The following RSRC1 variants were observed in gnomAD, a reference collection of about 807,000 sequenced individuals.
The protein encoded by RSRC1 is arginine and serine rich coiled-coil 1.
A neutral mutation model predicts 49.1 loss-of-function variants in RSRC1; 39 were observed. The ratio of observed to expected loss-of-function variants is 0.79; its 90% CI spans 0.61 to 1.04. RSRC1 has a LOEUF of 1.04. Among genes scored for constraint, RSRC1 ranks in the 50% least tolerant of loss-of-function variants. RSRC1 has a pLI of 0.00. For synonymous variants in RSRC1, 143 were observed against 130.8 expected (o/e 1.09, Z -0.63); for missense variants, 388 against 402.4 (o/e 0.96, Z 0.31).
At chr3:158,222,621 T>C (rs1722290638) in intron 4 of RSRC1, among the ~76,000 whole-genome samples, 1 of 151,620 alleles carries the variant, frequency 6.6e-6, no homozygotes, top group African/African-American at 2.4e-5. Context: ...CCCCACCCCT[T>C]ATATTTCCAA....
At chr3:158,408,405 T>G (rs754872856) in intron 6 of RSRC1, among the ~76,000 whole-genome samples, 2 of 152,178 alleles carry the variant, frequency 1.3e-5, no homozygotes, top group Non-Finnish European at 2.9e-5. Context: ...TCTAGCCATA[T>G]AACAGAAATG....
chr3:158,326,880 G>T (rs557833726), intron 5 of RSRC1, among the ~76,000 whole-genome samples: 1 of 152,132 alleles, frequency 6.6e-6, no homozygotes, highest in South Asian at 2.1e-4. Flanking sequence ...TGGTTGGTAG[G>T]CTATTAATTA....
At chr3:158,139,948 T>C (rs1488711665) in intron 3 of RSRC1, among the ~76,000 whole-genome samples, 1 of 152,204 alleles carries the variant, frequency 6.6e-6, no homozygotes, top group East Asian at 1.9e-4. Context: ...ATCCAATTAG[T>C]ATTTTTTTTC....
chr3:158,120,563 T>G (rs1458171720), intron 1 of RSRC1, among the ~76,000 whole-genome samples: 5 of 144,674 alleles, frequency 3.5e-5, no homozygotes, highest in Non-Finnish European at 6.0e-5. Flanking sequence ...TATATTAATA[T>G]TAATATATTA....
intron 4 of RSRC1, among the ~76,000 whole-genome samples, chr3:158,291,437 T>G (rs1289002103): frequency 6.6e-6 from 1 of 152,198 alleles, no homozygotes; most frequent in Admixed American, 6.5e-5. Context: ...ATATTTATTT[T>G]GTTAAGTTTC....
intron 5 of RSRC1, among the ~76,000 whole-genome samples, chr3:158,312,957 T>C (rs1728210977): frequency 6.6e-6 from 1 of 152,166 alleles, no homozygotes; most frequent in African/African-American, 2.4e-5. Flanking sequence ...AGAGCTCTCC[T>C]AACAGAGATA....
intron 6 of RSRC1, among the ~76,000 whole-genome samples, chr3:158,443,421 G>T (rs1052947196): frequency 1.3e-5 from 2 of 151,996 alleles, no homozygotes; most frequent in African/African-American, 4.8e-5. Context: ...TTTATGTTAT[G>T]AAGATTACTT....
chr3:158,198,583 C>T (rs989078450), intron 3 of RSRC1, among the ~76,000 whole-genome samples: 1 of 152,074 alleles, frequency 6.6e-6, no homozygotes, highest in Non-Finnish European at 1.5e-5. Flanking sequence ...TCTTCCTAGC[C>T]TCGACGGTCT....
At chr3:158,360,435 A>G (rs1035178116) in intron 6 of RSRC1, among the ~76,000 whole-genome samples, 2 of 152,120 alleles carry the variant, frequency 1.3e-5, no homozygotes, top group East Asian at 3.9e-4. Flanking sequence ...GATTGAAGGT[A>G]GGGCCTCACC....
Position 158,122,259 on chromosome 3 carries a change from C to T in RSRC1, c.155C>T (p.Ser52Phe). The change falls in exon 2 of 10, where the codon TCC becomes TTC. Residue 52 changes from serine (S) to phenylalanine (F), a missense_variant. Physicochemically the swap from Ser to Phe is radical, Grantham distance 155. Transcript: ENST00000611884. ...TCAAGATCAAAGTCAAGATCTTGGT[C>T]CAGAGATCTTCAGCCTCGTTCACAT... ...RKSRSKSRSW[S>F]RDLQPRSHSY... 1 of 1,598,966 alleles carries T rather than the reference C, an allele frequency of 6.3e-7. No homozygotes were observed.
chr3:158,338,809 TAAAATTC>T (rs1281285099), intron 5 of RSRC1, among the ~76,000 whole-genome samples: 5 of 152,354 alleles, frequency 3.3e-5, no homozygotes, highest in Admixed American at 2.0e-4. Context: ...TGAGCTGAAT[TAAAATTC>T]AAGCTCTGCC....
At chr3:158,253,838 C>T (rs190231260) in intron 4 of RSRC1, among the ~76,000 whole-genome samples, 25 of 152,020 alleles carry the variant, frequency 1.6e-4, no homozygotes, top group Middle Eastern at 3.4e-3. Context: ...CATAGGTATA[C>T]GTGTGTCATG....
intron 1 of RSRC1, among the ~76,000 whole-genome samples, chr3:158,117,079 C>A (rs1714885089): frequency 6.6e-6 from 1 of 152,080 alleles, no homozygotes; most frequent in African/African-American, 2.4e-5. Flanking sequence ...GATAGAGATT[C>A]TAGGTTGAGA....
intron 5 of RSRC1, among the ~76,000 whole-genome samples, chr3:158,351,842 A>G (rs1730892436): frequency 6.7e-6 from 1 of 148,922 alleles, no homozygotes; most frequent in Admixed American, 6.7e-5. Context: ...TGAAAAATAA[A>G]TATATCTTAA....
At chr3:158,292,480 C>T (rs1370109633) in intron 4 of RSRC1, among the ~76,000 whole-genome samples, 1 of 152,148 alleles carries the variant, frequency 6.6e-6, no homozygotes, top group African/African-American at 2.4e-5. Flanking sequence ...ATTCATTTGC[C>T]AATAATCTCT....
At chr3:158,537,843 AT>A (rs1712801591) in intron 8 of RSRC1, among the ~76,000 whole-genome samples, 1 of 151,736 alleles carries the variant, frequency 6.6e-6, no homozygotes, top group Admixed American at 6.6e-5. Context: ...ACATCCATAA[AT>A]TGTATTAATG....
intron 3 of RSRC1, among the ~76,000 whole-genome samples, chr3:158,176,771 G>A (rs899914764): frequency 5.3e-5 from 8 of 152,132 alleles, no homozygotes; most frequent in Non-Finnish European, 8.8e-5. Flanking sequence ...AAACGCAATG[G>A]CAACAAAACC....
intron 4 of RSRC1, among the ~76,000 whole-genome samples, chr3:158,276,655 TATTTTTATTACCTA>T (rs1725836105): frequency 6.6e-6 from 1 of 152,218 alleles, no homozygotes; most frequent in African/African-American, 2.4e-5. Flanking sequence ...TTTCGACCAG[TATTTTTATTACCTA>T]AAATTAATAC....
chr3:158,305,262 A>C (rs1354662680), intron 5 of RSRC1, among the ~76,000 whole-genome samples: 1 of 152,084 alleles, frequency 6.6e-6, no homozygotes, highest in Non-Finnish European at 1.5e-5. Context: ...GTTTAAAAAA[A>C]AGGACAAGAT....
Sources: gnomAD v4.1 joint callset for allele counts (sites outside exome capture counted in the v4.1 genomes callset) on GRCh38, gnomAD v4.1.1 for gene constraint, MANE v1.5 for transcripts, NCBI Gene and HGNC (gene_info 2026-07-23, HGNC 2026-07-21) for gene names.